The following JMY variants were observed in gnomAD, a reference collection of about 807,000 sequenced individuals.
The protein encoded by JMY is junction mediating and regulatory protein, p53 cofactor.
A neutral mutation model predicts 103.3 loss-of-function variants in JMY; 46 were observed. The ratio of observed to expected loss-of-function variants is 0.45; its 90% CI spans 0.35 to 0.57. The LOEUF (loss-of-function observed/expected upper bound fraction) is 0.57, where lower values mean the gene tolerates loss of function less well. JMY is among the 20% of genes least tolerant of loss of function. The pLI, the probability that JMY is intolerant of heterozygous loss-of-function variation, is 0.00. For missense variants in JMY, 1,238 were observed against 1,255.2 expected (o/e 0.99, Z 0.21); for synonymous variants, 526 against 489.3 (o/e 1.07, Z -0.99).
At chr5:79,308,392 T>C (rs1746949729) in intron 7 of JMY, among the ~76,000 whole-genome samples, 1 of 152,220 alleles carries the variant, frequency 6.6e-6, no homozygotes, top group Non-Finnish European at 1.5e-5. Context: ...GTAATTTTTG[T>C]GAAGGGTATA....
chr5:79,316,113 A>G lies in JMY; in HGVS notation c.2773A>G (p.Ile925Val), dbSNP rs372034861. The change falls in exon 10 of 11, where the codon ATC becomes GTC. Residue 925 changes from isoleucine to valine, a missense_variant. By Grantham distance (29) the Ile-to-Val change is conservative. Coordinates refer to ENST00000396137, the MANE Select transcript of JMY (RefSeq NM_152405.5). ...TCCTGATGAAGATGATAGTAATAATATCTTGGCACAAATAAGGAAAGGGGT... is the reference window on the plus strand; with the variant it reads ...TCCTGATGAAGATGATAGTAATAATGTCTTGGCACAAATAAGGAAAGGGGT... ...PFPDEDDSNN[I>V]LAQIRKGVKL... The G allele has an allele frequency of 1.2e-5, 19 of 1,614,050 alleles. No homozygotes were observed. The highest frequency in any genetic ancestry group is 2.7e-5 in the African/African-American group (2 of 74,938).
At position 79,306,584 on chromosome 5, in the gene JMY, T is replaced by G. The variant is rs369852055; in HGVS notation, c.1968+123T>G. The G allele has an allele frequency of 9.9e-6, 7 of 709,176 alleles. No individual in the cohort carries two copies. In the African/African-American group the frequency reaches 1.3e-4, roughly 13 times the overall value. The allele number at this position is 709,176 out of a possible 1,614,324, so 43.9% of individuals were successfully genotyped here. ...CATGTTAACATTAGTTCAGTTTATA[T>G]AATGAGCAGTTTTTAGGCAAAATTG... On this transcript the variant is annotated intron_variant, in intron 7 of 10. Transcript: ENST00000396137.
At chr5:79,241,859 A>G (rs1744753178) in intron 1 of JMY, among the ~76,000 whole-genome samples, 1 of 152,178 alleles carries the variant, frequency 6.6e-6, no homozygotes, top group Admixed American at 6.5e-5. Context: ...TGCAGGTGCC[A>G]CCAAGACCTC....
intron 10 of JMY, among the ~76,000 whole-genome samples, chr5:79,319,851 A>AT (rs1308069305): frequency 1.9e-4 from 29 of 152,136 alleles, no homozygotes; most frequent in Non-Finnish European, 1.9e-4. Context: ...AAGTGCTGGG[A>AT]TTACAGGTGT....
chr5:79,266,218 T>A (rs1283139756), intron 1 of JMY, among the ~76,000 whole-genome samples: 1 of 152,268 alleles, frequency 6.6e-6, no homozygotes, highest in African/African-American at 2.4e-5. Flanking sequence ...GTTTGATTAA[T>A]GTCTCTACAG....
chr5:79,316,371 G>C, intron 10 of JMY, 61 bp downstream of exon 10: 2 of 1,309,256 alleles, frequency 1.5e-6, no homozygotes, highest in Non-Finnish European at 2.1e-6. Flanking sequence ...CGGATGATGA[G>C]GTTTGGGGTA....
chr5:79,312,403 AAG>A lies in JMY; in HGVS notation c.1975_1976del (p.Glu659LysfsTer4). ...EYRTHHTVQLKREKLHDEEER... is the reference protein window; with the variant it reads ...EYRTHHTVQLXREKLHDEEER... The stretch of plus-strand genomic sequence containing the variant: ...GGAATTATTATTAATTTTTTACCAG[AAG>A]AGAGAAAAATTACATGATGAAGAAG... On this transcript the variant is annotated frameshift_variant and splice_region_variant, in exon 8 of 11. Coordinates refer to ENST00000396137, the MANE Select transcript of JMY (RefSeq NM_152405.5). LOFTEE classifies it high-confidence loss of function. 1 of 1,535,864 alleles carries A rather than the reference AAG, an allele frequency of 6.5e-7. No homozygotes were observed.
At chr5:79,241,447 A>G (rs1448223740) in intron 1 of JMY, among the ~76,000 whole-genome samples, 1 of 152,244 alleles carries the variant, frequency 6.6e-6, no homozygotes, top group Admixed American at 6.5e-5. Context: ...AATTCCTCAA[A>G]GGACAGTGTT....
Position 79,236,846 on chromosome 5 carries a change from G to C in JMY, c.196G>C (p.Gly66Arg). 3 of 1,450,598 alleles carry C rather than the reference G, an allele frequency of 2.1e-6. No homozygotes were observed. The highest frequency in any genetic ancestry group is 2.7e-6 in the Non-Finnish European group (3 of 1,095,762). The allele number at this position is 1,450,598 out of a possible 1,614,324, so 89.9% of individuals were successfully genotyped here. A position where few individuals can be genotyped will look rare whatever the true frequency, so the allele number is the denominator to read the frequency against. The change falls in exon 1 of 11, where the codon GGG becomes CGG. Residue 66 changes from glycine to arginine, a missense_variant. Transcript: ENST00000396137. Reference sequence around the variant, plus strand: ...CTCCCGGGAGCAAGCGGGGGCGCGAGGGGGCGCCGAGGCCGGCGGAGCTGC... The same window carrying C: ...CTCCCGGGAGCAAGCGGGGGCGCGACGGGGCGCCGAGGCCGGCGGAGCTGC... ...SGSREQAGAR[G>R]GAEAGGAASD...
At chr5:79,289,428 A>C (rs1421187639) in intron 2 of JMY, among the ~76,000 whole-genome samples, 1 of 151,756 alleles carries the variant, frequency 6.6e-6, no homozygotes, top group Non-Finnish European at 1.5e-5. Flanking sequence ...TAACTTGCTG[A>C]TAGCTATTTC....
At position 79,324,824 on chromosome 5, in the gene JMY, G is replaced by A. The variant is rs1224296225; in HGVS notation, c.*3222G>A. On this transcript the variant is annotated 3_prime_UTR_variant, in exon 11 of 11. Transcript: ENST00000396137. ...GACTCCTAGACACAGCTGTAATAGTGGGAATAGAAATGTAGAGCTTTTCTC... is the reference window on the plus strand; with the variant it reads ...GACTCCTAGACACAGCTGTAATAGTAGGAATAGAAATGTAGAGCTTTTCTC... 1 of 152,540 alleles carries A rather than the reference G, an allele frequency of 6.6e-6. No homozygotes were observed. The highest frequency in any genetic ancestry group is 1.5e-5 in the Non-Finnish European group (1 of 68,028). The allele number at this position is 152,540 out of a possible 1,614,324, so 9.4% of individuals were successfully genotyped here.
At chr5:79,288,696 A>T (rs2112096207) in intron 2 of JMY, among the ~76,000 whole-genome samples, 1 of 149,694 alleles carries the variant, frequency 6.7e-6, no homozygotes, top group Non-Finnish European at 1.5e-5. Flanking sequence ...TTGGTATTCT[A>T]ATTCTTTTTG....
chr5:79,304,755 G>A (rs890019615), intron 6 of JMY, among the ~76,000 whole-genome samples: 1 of 151,970 alleles, frequency 6.6e-6, no homozygotes, highest in Non-Finnish European at 1.5e-5. Flanking sequence ...GGATATATAT[G>A]GTATATACAA....
intron 8 of JMY, 24 bp downstream of exon 8, chr5:79,312,522 A>G (rs749555391): frequency 9.0e-7 from 1 of 1,114,166 alleles, no homozygotes; most frequent in Non-Finnish European, 1.2e-6. Flanking sequence ...TGGTCCATTT[A>G]TTGTTTTTCT....
intron 7 of JMY, among the ~76,000 whole-genome samples, chr5:79,311,175 A>G (rs1747038092): frequency 7.0e-6 from 1 of 143,090 alleles, no homozygotes; most frequent in Non-Finnish European, 1.5e-5. Context: ...TGGTAGAGAT[A>G]GGGTCTCACT....
intron 1 of JMY, among the ~76,000 whole-genome samples, chr5:79,249,486 T>C (rs546611024): frequency 6.6e-6 from 1 of 152,342 alleles, no homozygotes; most frequent in South Asian, 2.1e-4. Context: ...CTGTATAGCC[T>C]TGGAGTTGGC....
intron 1 of JMY, among the ~76,000 whole-genome samples, chr5:79,277,038 C>T (rs902761741): frequency 1.3e-5 from 2 of 152,162 alleles, no homozygotes; most frequent in African/African-American, 4.8e-5. Flanking sequence ...CACCTGGCCT[C>T]ATTCTTTTAT....
At position 79,327,001 on chromosome 5, in the gene JMY, C is replaced by G. The variant is rs933067817; in HGVS notation, c.*5399C>G. 7 of 152,124 alleles carry G rather than the reference C, an allele frequency of 4.6e-5. No individual in the cohort carries two copies. Among genetic ancestry groups the G allele is most frequent in the South Asian group, 2.1e-4 (1 of 4,828 alleles). 9.4% of individuals were successfully genotyped at this position (152,124 alleles called of 1,614,324 possible). ...TCTCCAGTAATCGTTTTGACTGTTG[C>G]CTTTTGCTCTTTAGTGCAGCTTTTC... On this transcript the variant is annotated 3_prime_UTR_variant, in exon 11 of 11. Coordinates refer to ENST00000396137, the MANE Select transcript of JMY (RefSeq NM_152405.5).
At position 79,236,861 on chromosome 5, in the gene JMY, G is replaced by A. The variant is rs1052279148; in HGVS notation, c.211G>A (p.Gly71Ser). ...GGGGGCGCGAGGGGGCGCCGAGGCC[G>A]GCGGAGCTGCGTCCGACGGGAGCCG... is the stretch of plus-strand genomic sequence containing the variant. The part of the protein sequence containing the change: ...QAGARGGAEA[G>S]GAASDGSRGP... The change falls in exon 1 of 11, where the codon GGC (glycine) becomes AGC (serine). Residue 71 changes from glycine (G) to serine (S), a missense_variant. Physicochemically the swap from Gly to Ser is moderately conservative, Grantham distance 56. Coordinates refer to ENST00000396137, the MANE Select transcript of JMY (RefSeq NM_152405.5). The A allele has an allele frequency of 1.8e-5, 26 of 1,442,562 alleles. No homozygotes were observed. Among genetic ancestry groups the A allele is most frequent in the Admixed American group, 2.5e-5 (1 of 39,542 alleles). The allele number at this position is 1,442,562 out of a possible 1,614,324, so 89.4% of individuals were successfully genotyped here.
Sources: allele counts gnomAD v4.1 joint callset (sites outside exome capture counted in the v4.1 genomes callset), GRCh38; gene constraint gnomAD v4.1.1; transcripts MANE v1.5; gene names NCBI Gene and HGNC (gene_info 2026-07-23, HGNC 2026-07-21).